ULK4: variants seen among roughly 807,000 people sequenced by gnomAD.
ULK4 encodes the protein inactive serine/threonine-protein kinase ULK4.
ULK4 carries 133 observed loss-of-function variants against 160.6 expected under a neutral mutation model. The ratio of observed to expected loss-of-function variants is 0.83; its 90% CI spans 0.72 to 0.96. The LOEUF (loss-of-function observed/expected upper bound fraction) is 0.96, where lower values mean the gene tolerates loss of function less well. Among genes scored for constraint, ULK4 ranks in the 40% least tolerant of loss-of-function variants. The pLI is 0.00. For synonymous variants in ULK4, 534 were observed against 539.8 expected, an observed-to-expected ratio of 0.99 and a Z score of 0.15; for missense variants, 1,580 against 1,499.5, an observed-to-expected ratio of 1.05 and a Z score of -0.89.
chr3:41,281,268 T>C lies in ULK4; in HGVS notation c.3679-31694A>G, dbSNP rs925082847. 5.3e-5 allele frequency among the ~76,000 whole-genome samples: 8 copies of C among 151,968 alleles called. No homozygotes were observed. The South Asian group carries it at 8.3e-4, about 16-fold the overall frequency. The stretch of plus-strand genomic sequence containing the variant: ...TTCCTTCTGAAAATATTCCAATCAA[T>C]AGAAAAAGAAGGAATCCTCCCTAAC... On this transcript the variant is annotated intron_variant, in intron 35 of 36. Coordinates refer to ENST00000301831, the MANE Select transcript of ULK4 (RefSeq NM_017886.4).
intron 6 of ULK4, among the ~76,000 whole-genome samples, chr3:41,919,329 C>T (rs1699090649): frequency 6.6e-6 from 1 of 152,126 alleles, no homozygotes; most frequent in Non-Finnish European, 1.5e-5. Context: ...TGGCCAGGCA[C>T]AGTGGCTCAT....
intron 31 of ULK4, among the ~76,000 whole-genome samples, chr3:41,570,279 C>T (rs185875292): frequency 5.1e-4 from 78 of 152,314 alleles, no homozygotes; most frequent in Admixed American, 3.5e-3. Flanking sequence ...GAAACACACG[C>T]TTAAGAGCAC....
At chr3:41,808,375 A>G (rs1224359813) in intron 19 of ULK4, among the ~76,000 whole-genome samples, 1 of 152,154 alleles carries the variant, frequency 6.6e-6, no homozygotes, top group Non-Finnish European at 1.5e-5. Context: ...GCTGGGTTGG[A>G]AAGGGGCCAT....
intron 15 of ULK4, 92 bp downstream of exon 15, chr3:41,896,730 G>T: frequency 7.3e-7 from 1 of 1,378,370 alleles, no homozygotes; most frequent in Non-Finnish European, 9.7e-7. Flanking sequence ...CAGTTTTTTT[G>T]TGGTAGTTAA....
At chr3:41,331,401 G>A (rs1460455351) in intron 35 of ULK4, among the ~76,000 whole-genome samples, 2 of 152,200 alleles carry the variant, frequency 1.3e-5, no homozygotes, top group Non-Finnish European at 2.9e-5. Flanking sequence ...GGATAATAAT[G>A]TGTGCAATTA....
intron 27 of ULK4, 65 bp downstream of exon 27, chr3:41,704,992 T>C: frequency 1.5e-6 from 2 of 1,337,760 alleles, no homozygotes; most frequent in Non-Finnish European, 2.1e-6. Flanking sequence ...AAACGAGGCC[T>C]CTTTATATAA....
At chr3:41,564,268 G>A (rs566720111) in intron 32 of ULK4, among the ~76,000 whole-genome samples, 126 of 152,026 alleles carry the variant, frequency 8.3e-4, no homozygotes, top group African/African-American at 2.7e-3. Flanking sequence ...ATCCCAGAGG[G>A]GTACCTGCTT....
chr3:41,507,196 AAAAAG>A (rs2085425212), intron 32 of ULK4, among the ~76,000 whole-genome samples: 2 of 150,396 alleles, frequency 1.3e-5, no homozygotes, highest in Admixed American at 1.3e-4. Context: ...AAAAAAAAAA[AAAAAG>A]TCAGTGTGAT....
rs988469457 is a variant in ULK4, at chr3:41,249,696, T to A, written c.3679-122A>T. ...TGTGGCTGCCTAAGGCACTGGGGGG[T>A]GTCCCCTGGGCTTGTCTGTAACCCC... On this transcript the variant is annotated intron_variant, in intron 35 of 36. Transcript: ENST00000301831. 3.0e-6 allele frequency: 3 copies of A among 996,098 alleles called. No homozygotes were observed. The African/African-American group carries it at 4.9e-5, about 16-fold the overall frequency. 61.7% of individuals were successfully genotyped at this position (996,098 alleles called of 1,614,324 possible).
intron 21 of ULK4, among the ~76,000 whole-genome samples, chr3:41,787,113 C>A (rs1255818064): frequency 6.6e-6 from 1 of 152,062 alleles, no homozygotes; most frequent in Non-Finnish European, 1.5e-5. Context: ...AAAACCACAC[C>A]CCAACCCCAC....
chr3:41,814,343 AT>A (rs1230926288), intron 19 of ULK4, among the ~76,000 whole-genome samples: 1 of 151,824 alleles, frequency 6.6e-6, no homozygotes, highest in East Asian at 1.9e-4. Flanking sequence ...TTTACTTTTT[AT>A]TATTGTTTTT....
intron 11 of ULK4, among the ~76,000 whole-genome samples, 157 bp downstream of exon 11, chr3:41,911,160 C>G (rs2148802835): frequency 6.6e-6 from 1 of 152,296 alleles, no homozygotes; most frequent in Admixed American, 6.5e-5. Context: ...TGGCCACGAC[C>G]TAACTGTAAC....
chr3:41,355,706 G>C (rs2081016544), intron 35 of ULK4, among the ~76,000 whole-genome samples: 1 of 152,116 alleles, frequency 6.6e-6, no homozygotes, highest in African/African-American at 2.4e-5. Context: ...CCAAAATTTA[G>C]AACAATAATT....
intron 35 of ULK4, among the ~76,000 whole-genome samples, chr3:41,341,825 G>A (rs1010385078): frequency 6.6e-6 from 1 of 152,132 alleles, no homozygotes; most frequent in African/African-American, 2.4e-5. Flanking sequence ...CCTCAGAGGA[G>A]CAACACAAAT....
At chr3:41,302,666 G>A (rs2079822313) in intron 35 of ULK4, among the ~76,000 whole-genome samples, 1 of 152,162 alleles carries the variant, frequency 6.6e-6, no homozygotes, top group African/African-American at 2.4e-5. Flanking sequence ...ACTCCAAAAA[G>A]TTCAGATTCT....
intron 22 of ULK4, among the ~76,000 whole-genome samples, chr3:41,719,724 C>T (rs1339991609): frequency 6.6e-6 from 1 of 152,214 alleles, no homozygotes; most frequent in Non-Finnish European, 1.5e-5. Flanking sequence ...CCATCTGCTT[C>T]TACTCTGCCA....
At chr3:41,402,248 T>C (rs549461442) in intron 34 of ULK4, among the ~76,000 whole-genome samples, 3 of 152,158 alleles carry the variant, frequency 2.0e-5, no homozygotes, top group Non-Finnish European at 4.4e-5. Flanking sequence ...ATTCTAGGAG[T>C]CTTTTTCAAG....
chr3:41,831,788 G>A (rs543068238), intron 18 of ULK4, among the ~76,000 whole-genome samples: 42 of 152,130 alleles, frequency 2.8e-4, no homozygotes, highest in African/African-American at 9.9e-4. Context: ...TTGTGAGTGA[G>A]AATATGCAGT....
intron 30 of ULK4, among the ~76,000 whole-genome samples, chr3:41,623,732 C>A (rs72862129): frequency 0.061 from 9,300 of 152,054 alleles, 962 homozygotes; most frequent in African/African-American, 0.21. Flanking sequence ...AGATATAAAT[C>A]AAAGGGTATA....
Sources: allele counts gnomAD v4.1 joint callset (sites outside exome capture counted in the v4.1 genomes callset), GRCh38; gene constraint gnomAD v4.1.1; transcripts MANE v1.5; gene names NCBI Gene and HGNC (gene_info 2026-07-23, HGNC 2026-07-21).